The following DDX3X variants were observed in gnomAD, a reference collection of about 807,000 sequenced individuals.
DDX3X encodes DEAD-box helicase 3 X-linked, also known as ATP-dependent RNA helicase DDX3X.
A neutral mutation model predicts 52.7 loss-of-function variants in DDX3X; 4 were observed. That is an observed-to-expected ratio of 0.08 (90% CI 0.04 to 0.17). The LOEUF (loss-of-function observed/expected upper bound fraction) is 0.17. Among genes scored for constraint, DDX3X ranks in the 10% least tolerant of loss-of-function variants. The pLI, the probability that DDX3X is intolerant of heterozygous loss-of-function variation, is 1.00. For synonymous variants in DDX3X, 192 were observed against 178.1 expected, an observed-to-expected ratio of 1.08 and a Z score of -0.62; for missense variants, 222 against 548.6, an observed-to-expected ratio of 0.40 and a Z score of 5.95.
In DDX3X at chrX:41,347,396, AAGC is replaced by A. The variant is rs1308155746; in HGVS notation, c.1861_1863del (p.Ser621del). On this transcript the variant is annotated inframe_deletion, in exon 16 of 17. Transcript: ENST00000644876. Reference sequence around the variant, plus strand: ...GTTCCAGCTTCAGCAGCAGCCGCGCAAGCAGCAGCCGCAGTGGCGGAGGTGGCC... The same window carrying A: ...GTTCCAGCTTCAGCAGCAGCCGCGCAAGCAGCCGCAGTGGCGGAGGTGGCC... 5 of 1,211,658 alleles carry A rather than the reference AAGC, an allele frequency of 4.1e-6. No homozygotes were observed. Among genetic ancestry groups the A allele is most frequent in the Admixed American group, 4.3e-5 (2 of 46,044 alleles).
intron 2 of DDX3X, 69 bp from the exon 3 acceptor site, chrX:41,338,967 G>T: frequency 2.2e-6 from 1 of 459,619 alleles, no homozygotes; most frequent in East Asian, 5.9e-5. Context: ...CCATTTTTTA[G>T]TAACAGAAAT....
chrX:41,334,991 G>A, intron 1 of DDX3X: 1 of 119,770 alleles, frequency 8.3e-6, no homozygotes, highest in South Asian at 2.8e-4. Context: ...AGGGTCCGGG[G>A]GCCCTGCGCC....
chrX:41,341,832 G>A (rs776274378), intron 4 of DDX3X: 42 of 346,693 alleles, frequency 1.2e-4, no homozygotes, highest in Admixed American at 2.6e-4. Flanking sequence ...TCTATTTCTC[G>A]AGTTTTATAT....
At position 41,347,018 on chromosome X, in the gene DDX3X, G is replaced by A; in HGVS notation, c.1769+6G>A. The A allele has an allele frequency of 2.5e-6, 3 of 1,195,041 alleles. No homozygotes were observed. Among genetic ancestry groups the A allele is most frequent in the South Asian group, 3.6e-5 (2 of 54,957 alleles). On this transcript the variant is annotated splice_donor_region_variant and intron_variant, in intron 15 of 16. Transcript: ENST00000644876. Reference sequence around the variant, plus strand: ...AGTCGTGGACGTTCTAAGAGGTGAGGTATAAATAGTATATAATGAGGGGAA... The same window carrying A: ...AGTCGTGGACGTTCTAAGAGGTGAGATATAAATAGTATATAATGAGGGGAA...
At position 41,334,194 on chromosome X, in the gene DDX3X, C is replaced by A; in HGVS notation, c.-59C>A. The A allele has an allele frequency of 1.8e-6, 2 of 1,140,178 alleles. No individual in the cohort carries two copies. Among genetic ancestry groups the A allele is most frequent in the Non-Finnish European group, 2.4e-6 (2 of 837,309 alleles). 94.0% of individuals were successfully genotyped at this position (1,140,178 alleles called of 1,213,427 possible). A position where few individuals can be genotyped will look rare whatever the true frequency, so the allele number is the denominator to read the frequency against. ...CAGTTCTCCCGTGAGAGGGCCTTCG[C>A]GGTGGAACAAACACTCGCTTAGCAG... On this transcript the variant is annotated 5_prime_UTR_variant, in exon 1 of 17. Transcript: ENST00000644876.
intron 1 of DDX3X, chrX:41,334,938 C>T (rs2063740306): frequency 8.2e-6 from 2 of 243,043 alleles, no homozygotes; most frequent in South Asian, 1.7e-4. Context: ...TGTTTTTTCC[C>T]GGGTTCCTTC....
In DDX3X at chrX:41,344,260, C is replaced by T; in HGVS notation, c.886C>T (p.Arg296Cys). Residue 296 changes from arginine (R) to cysteine (C), a missense_variant, in exon 10 of 17, where the codon CGT (arginine) becomes TGT (cysteine). By Grantham distance (180) the Arg-to-Cys change is radical. Around this residue, in one of 5 missense-constraint regions of DDX3X, gnomAD observed 73 missense variants for 301.4 expected, o/e 0.24. Coordinates refer to ENST00000644876, the MANE Select transcript of DDX3X (RefSeq NM_001356.5). The part of the protein sequence containing the change: ...ARKFSYRSRV[R>C]PCVVYGGADI... ...ATAGTTTTCATACCGATCTAGAGTT[C>T]GTCCTTGCGTGGTTTATGGTGGTGC... 1 of 1,211,170 alleles carries T rather than the reference C, an allele frequency of 8.3e-7. No individual in the cohort carries two copies. The highest frequency in any genetic ancestry group is 1.1e-6 in the Non-Finnish European group (1 of 895,297).
upstream of DDX3X, chrX:41,334,040 T>G: frequency 4.7e-6 from 2 of 428,764 alleles, no homozygotes; most frequent in Non-Finnish European, 8.3e-6. Flanking sequence ...GAGCGCGCAG[T>G]AGCCGGGCAG....
At position 41,344,409 on chromosome X, in the gene DDX3X, A is replaced by T; in HGVS notation, c.1025+10A>T. Reference sequence around the variant, plus strand: ...GATTAGACTTTTGCAAGTATGTTTTATTTTGTTTTTGTTTTTTTGTTTTGT... The same window carrying T: ...GATTAGACTTTTGCAAGTATGTTTTTTTTTGTTTTTGTTTTTTTGTTTTGT... On this transcript the variant is annotated intron_variant, in intron 10 of 16. Transcript: ENST00000644876. 1.7e-6 allele frequency: 2 copies of T among 1,208,728 alleles called. No individual in the cohort carries two copies. Among genetic ancestry groups the T allele is most frequent in the Non-Finnish European group, 2.2e-6 (2 of 893,367 alleles).
chrX:41,359,839 G>A (rs1244103743), intron 5 of DDX3X, among the ~76,000 whole-genome samples: 8 of 107,937 alleles, frequency 7.4e-5, no homozygotes, highest in South Asian at 8.0e-4. Context: ...AAAATTAGCC[G>A]GGCGCGGTGG....
intron 12 of DDX3X, 199 bp downstream of exon 12, chrX:41,345,747 T>TGATGCCC (rs2063915040): frequency 2.5e-6 from 1 of 403,831 alleles, no homozygotes; most frequent in Non-Finnish European, 4.2e-6. Context: ...GTTACCATGT[T>TGATGCCC]GATGCCAAAC....
chrX:41,341,900 G>A (rs1293542896), intron 4 of DDX3X: 9 of 252,617 alleles, frequency 3.6e-5, no homozygotes, highest in Non-Finnish European at 6.3e-5. Context: ...TGGGATTTTT[G>A]TGGACTCTAT....
intron 5 of DDX3X, chrX:41,357,810 A>G (rs2064014936): frequency 3.4e-6 from 1 of 294,149 alleles, no homozygotes; most frequent in Non-Finnish European, 5.9e-6. Flanking sequence ...CTAACATGGG[A>G]TTCTCCTATT....
chrX:41,337,869 T>C (rs770334051), intron 2 of DDX3X: 14 of 119,531 alleles, frequency 1.2e-4, no homozygotes, highest in Non-Finnish European at 2.0e-4. Context: ...TATCAAATTA[T>C]CTCTAGAAGA....
At chrX:41,339,251 A>G (rs2063813722) in intron 3 of DDX3X, 168 bp downstream of exon 3, 1 of 234,903 alleles carries the variant, frequency 4.3e-6, no homozygotes, top group Non-Finnish European at 8.1e-6. Flanking sequence ...GGAAGAACTC[A>G]TCTAATGTTA....
chrX:41,339,265 A>G (rs756806766), intron 3 of DDX3X, 182 bp downstream of exon 3: 1 of 222,571 alleles, frequency 4.5e-6, no homozygotes, highest in Admixed American at 7.0e-5. Context: ...AATGTTACGC[A>G]GTGGGAAATT....
At chrX:41,344,514 C>G (rs748781701) in intron 10 of DDX3X, 115 bp downstream of exon 10, 1 of 885,909 alleles carries the variant, frequency 1.1e-6, no homozygotes, top group Non-Finnish European at 1.6e-6. Flanking sequence ...CTCGGCTCAC[C>G]ACAACCTCTG....
rs571792980 is a variant in DDX3X at position 41,347,393 on chromosome X, C to T, written c.1851C>T (p.Arg617=). 12 of 1,211,556 alleles carry T rather than the reference C, an allele frequency of 9.9e-6. No individual in the cohort carries two copies. In the South Asian group the frequency reaches 1.2e-4, roughly 12 times the overall value. The change falls in exon 16 of 17, where the codon CGC becomes CGT. Residue 617 remains arginine (R), a synonymous_variant. Transcript: ENST00000644876. ...GCAGTTCCAGCTTCAGCAGCAGCCG[C>T]GCAAGCAGCAGCCGCAGTGGCGGAG... is the stretch of plus-strand genomic sequence containing the variant. The part of the protein sequence containing the change: ...GASSSSFSSS[R]ASSSRSGGGG...
downstream of DDX3X, among the ~76,000 whole-genome samples, chrX:41,352,663 T>C (rs1216814017): frequency 9.0e-6 from 1 of 111,602 alleles, no homozygotes; most frequent in Non-Finnish European, 1.9e-5. Context: ...CTTTTGTGTT[T>C]CTCCAACTTG....
Sources: allele counts gnomAD v4.1 joint callset (sites outside exome capture counted in the v4.1 genomes callset), GRCh38; gene constraint gnomAD v4.1.1; regional missense constraint gnomAD v4.1.1; transcripts MANE v1.5; gene names NCBI Gene and HGNC (gene_info 2026-07-23, HGNC 2026-07-21).